The following CUL1 variants were observed in gnomAD, a reference collection of about 807,000 sequenced individuals.
CUL1 encodes the protein cullin-1.
In CUL1, 24 loss-of-function variants were observed where a neutral mutation model predicts 118.0. That is an observed-to-expected ratio of 0.20 (90% CI 0.15 to 0.29). CUL1 has a LOEUF of 0.29. Ranked by LOEUF, CUL1 falls within the 10% of genes least tolerant of loss-of-function variation. The probability of loss-of-function intolerance (pLI) is 1.00; values close to 1 mark genes in which losing one functional copy is unlikely to be tolerated. For missense variants in CUL1, 361 were observed against 933.8 expected, an observed-to-expected ratio of 0.39 and a Z score of 7.99; for synonymous variants, 332 against 340.4, an observed-to-expected ratio of 0.98 and a Z score of 0.27.
intron 2 of CUL1, among the ~76,000 whole-genome samples, chr7:148,731,592 A>G (rs1049707352): frequency 1.3e-5 from 2 of 152,298 alleles, no homozygotes; most frequent in Admixed American, 6.5e-5. Flanking sequence ...GGTTTTTAGT[A>G]TATTTACAGA....
chr7:148,738,247 A>G (rs243505), intron 2 of CUL1, among the ~76,000 whole-genome samples: 68,147 of 152,034 alleles, frequency 0.45, 16,260 homozygotes, highest in African/African-American at 0.62. Context: ...GCTGAACTCC[A>G]GGAAGGCAGT....
upstream of CUL1, chr7:148,697,831 A>G (rs1278738104): frequency 6.6e-6 from 1 of 152,314 alleles, no homozygotes; most frequent in Admixed American, 6.5e-5. Flanking sequence ...AGCAGCGGGT[A>G]GTATTTAGGT....
chr7:148,799,000 T>G lies in CUL1; in HGVS notation c.2137-275T>G, dbSNP rs1340036337. 2.6e-5 allele frequency among the ~76,000 whole-genome samples: 4 copies of G among 151,902 alleles called. No homozygotes were observed. The East Asian group carries it at 7.7e-4, about 29-fold the overall frequency. Reference sequence around the variant, plus strand: ...CCGTGGCCTTGAAGATTTAATTTTGTCTCCTTTTTTTTAATGCTTTATGGT... The same window carrying G: ...CCGTGGCCTTGAAGATTTAATTTTGGCTCCTTTTTTTTAATGCTTTATGGT... On this transcript the variant is annotated intron_variant, in intron 20 of 21. Coordinates refer to ENST00000325222, the MANE Select transcript of CUL1 (RefSeq NM_003592.3).
intron 9 of CUL1, among the ~76,000 whole-genome samples, chr7:148,777,507 T>C (rs1038061768): frequency 6.6e-6 from 1 of 152,364 alleles, no homozygotes; most frequent in Non-Finnish European, 1.5e-5. Flanking sequence ...ATTAGTCATG[T>C]GAGTCCTGGG....
intron 16 of CUL1, among the ~76,000 whole-genome samples, chr7:148,791,844 C>T (rs975194070): frequency 3.3e-5 from 5 of 152,214 alleles, no homozygotes; most frequent in African/African-American, 9.6e-5. Context: ...GGTGTTCATT[C>T]GCTTGCACAC....
At chr7:148,713,077 T>C (rs888001286) in intron 1 of CUL1, among the ~76,000 whole-genome samples, 8 of 152,238 alleles carry the variant, frequency 5.3e-5, no homozygotes, top group African/African-American at 1.9e-4. Flanking sequence ...ATCTACACAA[T>C]AATGAATTGC....
chr7:148,706,568 G>A (rs992977789), intron 1 of CUL1, among the ~76,000 whole-genome samples: 1 of 151,952 alleles, frequency 6.6e-6, no homozygotes, highest in African/African-American at 2.4e-5. Context: ...AAGGGAAGAA[G>A]GGTTAGGAAT....
rs574260297 is a variant in CUL1 at position 148,759,251 on chromosome 7, A to G, written c.484-53A>G. The G allele has an allele frequency of 3.0e-4, 463 of 1,538,290 alleles. 4 individuals are homozygous for G. The highest frequency in any genetic ancestry group is 1.7e-3 in the South Asian group (155 of 89,136). On this transcript the variant is annotated intron_variant, in intron 4 of 21. Coordinates refer to ENST00000325222, the MANE Select transcript of CUL1 (RefSeq NM_003592.3). Reference sequence around the variant, plus strand: ...ATTTAGGTTATTTCCTATGACTTCAATCTTGGAAAAACATGGTAAAAGTAT... The same window carrying G: ...ATTTAGGTTATTTCCTATGACTTCAGTCTTGGAAAAACATGGTAAAAGTAT...
rs191360360 is a variant in CUL1 at position 148,711,673 on chromosome 7, C to T, written c.-162+12644C>T. ...CGACTCAGGGTTAAATTATCTTAGT[C>T]GAAAGAAAAATAATAGAAAGGGGTG... On this transcript the variant is annotated intron_variant, in intron 1 of 21. Coordinates refer to ENST00000325222, the MANE Select transcript of CUL1 (RefSeq NM_003592.3). Among the ~76,000 whole-genome samples, 199 of 151,990 alleles carry T rather than the reference C, an allele frequency of 1.3e-3. 1 individual carries two copies. The highest frequency in any genetic ancestry group is 7.2e-4 in the Admixed American group (11 of 15,256).
intron 1 of CUL1, among the ~76,000 whole-genome samples, chr7:148,720,937 C>G (rs1798377371): frequency 6.6e-6 from 1 of 152,226 alleles, no homozygotes; most frequent in Non-Finnish European, 1.5e-5. Context: ...CCTAAAGCTT[C>G]AGTTTTCTTG....
In CUL1 at chr7:148,725,198, T is replaced by TACACACACACAC. The variant is rs147863334; in HGVS notation, c.-161-4761_-161-4750dup. ...GGCATGCAGCGCACATGCGCGCGTG[T>TACACACACACAC]ACACACACACACACGCGCGCGCTCA... On this transcript the variant is annotated intron_variant, in intron 1 of 21. Coordinates refer to ENST00000325222, the MANE Select transcript of CUL1 (RefSeq NM_003592.3). Among the ~76,000 whole-genome samples, 83 of 106,830 alleles carry TACACACACACAC rather than the reference T, an allele frequency of 7.8e-4. 1 individual carries two copies. The highest frequency in any genetic ancestry group is 2.4e-3 in the African/African-American group (75 of 31,550). 70.1% of individuals were successfully genotyped at this position (106,830 alleles called of 152,430 possible). A position where few individuals can be genotyped will look rare whatever the true frequency, so the allele number is the denominator to read the frequency against.
intron 9 of CUL1, among the ~76,000 whole-genome samples, chr7:148,776,771 T>C (rs1219946621): frequency 6.6e-6 from 1 of 152,230 alleles, no homozygotes; most frequent in Non-Finnish European, 1.5e-5. Context: ...AAATAAGTAC[T>C]GAAGTAACCC....
intron 2 of CUL1, among the ~76,000 whole-genome samples, chr7:148,738,678 A>T (rs1446269792): frequency 6.6e-6 from 1 of 152,106 alleles, no homozygotes; most frequent in Non-Finnish European, 1.5e-5. Flanking sequence ...TAAAATACCT[A>T]ATCTATTGTC....
At chr7:148,717,914 A>G (rs1463307214) in intron 1 of CUL1, among the ~76,000 whole-genome samples, 1 of 152,172 alleles carries the variant, frequency 6.6e-6, no homozygotes, top group Non-Finnish European at 1.5e-5. Context: ...CATCCATGCC[A>G]TATGACATCT....
Position 148,796,343 on chromosome 7 carries a change from T to A in CUL1, c.1900-1469T>A, listed in dbSNP as rs1801198915. Reference sequence around the variant, plus strand: ...ACTTGGTCATGGTATATAATCCTTTTTCTATGTTGTTGGGTTTAGCTTGCC... The same window carrying A: ...ACTTGGTCATGGTATATAATCCTTTATCTATGTTGTTGGGTTTAGCTTGCC... On this transcript the variant is annotated intron_variant, in intron 17 of 21. Transcript: ENST00000325222. Among the ~76,000 whole-genome samples, 4 of 152,192 alleles carry A rather than the reference T, an allele frequency of 2.6e-5. No homozygotes were observed. The South Asian group carries it at 8.3e-4, about 31-fold the overall frequency.
intron 11 of CUL1, among the ~76,000 whole-genome samples, chr7:148,785,110 C>A (rs573597084): frequency 2.7e-4 from 41 of 152,264 alleles, no homozygotes; most frequent in Non-Finnish European, 3.5e-4. Context: ...TTTCTCTTAA[C>A]GCAGTTTACC....
intron 1 of CUL1, among the ~76,000 whole-genome samples, chr7:148,699,841 C>T (rs1479364593): frequency 6.6e-6 from 1 of 152,036 alleles, no homozygotes; most frequent in Non-Finnish European, 1.5e-5. Flanking sequence ...AGCGCGCGCC[C>T]TGACCCTGAG....
chr7:148,797,514 A>G (rs972031484), intron 17 of CUL1, among the ~76,000 whole-genome samples: 1 of 152,076 alleles, frequency 6.6e-6, no homozygotes, highest in Non-Finnish European at 1.5e-5. Flanking sequence ...AGTCCCAGGC[A>G]TTTCAGATAA....
chr7:148,767,451 A>G (rs543209091), intron 8 of CUL1, among the ~76,000 whole-genome samples, 168 bp from the exon 9 acceptor site: 1 of 152,280 alleles, frequency 6.6e-6, no homozygotes, highest in East Asian at 1.9e-4. Context: ...AAATATACAT[A>G]TACCAAATAG....
Sources: allele counts gnomAD v4.1 joint callset (sites outside exome capture counted in the v4.1 genomes callset), GRCh38; gene constraint gnomAD v4.1.1; transcripts MANE v1.5; gene names NCBI Gene and HGNC (gene_info 2026-07-23, HGNC 2026-07-21).